The following TCF7L1 variants were observed in gnomAD, a reference collection of about 807,000 sequenced individuals.
TCF7L1 encodes transcription factor 7-like 1.
Under a neutral mutation model 63.7 loss-of-function variants are expected in TCF7L1, and 18 were observed. The ratio of observed to expected loss-of-function variants is 0.28; its 90% CI spans 0.20 to 0.42. The LOEUF (loss-of-function observed/expected upper bound fraction) is 0.42. TCF7L1 is among the 10% of genes least tolerant of loss of function. The probability of loss-of-function intolerance (pLI) is 1.00; values close to 1 mark genes in which losing one functional copy is unlikely to be tolerated. For missense variants in TCF7L1, 654 were observed against 779.3 expected, an observed-to-expected ratio of 0.84 and a Z score of 1.91; for synonymous variants, 355 against 340.9, an observed-to-expected ratio of 1.04 and a Z score of -0.46.
At chr2:85,300,546 T>C (rs938530767) in intron 4 of TCF7L1, among the ~76,000 whole-genome samples, 1 of 151,918 alleles carries the variant, frequency 6.6e-6, no homozygotes, top group African/African-American at 2.4e-5. Context: ...TTATAAACGG[T>C]TTAATTCTCC....
At chr2:85,183,934 C>G (rs1021391214) in intron 3 of TCF7L1, among the ~76,000 whole-genome samples, 2 of 152,184 alleles carry the variant, frequency 1.3e-5, no homozygotes, top group South Asian at 4.2e-4. Flanking sequence ...GAGGCCTCTG[C>G]CTGGAGAAGA....
intron 3 of TCF7L1, among the ~76,000 whole-genome samples, chr2:85,221,276 G>T (rs570409257): frequency 1.3e-5 from 2 of 152,252 alleles, no homozygotes; most frequent in Admixed American, 6.5e-5. Flanking sequence ...TCACGCATTT[G>T]TCCTGCCTGT....
intron 3 of TCF7L1, among the ~76,000 whole-genome samples, chr2:85,256,961 T>A (rs917866689): frequency 3.3e-5 from 5 of 150,272 alleles, no homozygotes; most frequent in African/African-American, 1.2e-4. Context: ...CCAGCCTGGG[T>A]GACAGAGTGA....
intron 3 of TCF7L1, among the ~76,000 whole-genome samples, chr2:85,145,655 C>T (rs1005122218): frequency 3.9e-5 from 6 of 152,166 alleles, no homozygotes; most frequent in African/African-American, 9.7e-5. Context: ...GGAACCATCC[C>T]GCCCACCCAA....
intron 3 of TCF7L1, among the ~76,000 whole-genome samples, chr2:85,215,288 G>A (rs1343946291): frequency 1.3e-5 from 2 of 152,238 alleles, no homozygotes; most frequent in Non-Finnish European, 2.9e-5. Context: ...TCCGTAGCAG[G>A]TGATCAATAA....
At chr2:85,230,868 G>A (rs1680060672) in intron 3 of TCF7L1, among the ~76,000 whole-genome samples, 1 of 152,192 alleles carries the variant, frequency 6.6e-6, no homozygotes, top group Non-Finnish European at 1.5e-5. Flanking sequence ...GGAAAAGCCT[G>A]AGGGGATGGG....
At chr2:85,137,283 GCTGGCCCATCCTACAGT>G (rs957766060) in intron 3 of TCF7L1, among the ~76,000 whole-genome samples, 1 of 152,168 alleles carries the variant, frequency 6.6e-6, no homozygotes, top group African/African-American at 2.4e-5. Flanking sequence ...ACCACTGGGG[GCTGGCCCATCCTACAGT>G]CTGGCCATCT....
chr2:85,291,366 A>G (rs1681711627), intron 4 of TCF7L1, among the ~76,000 whole-genome samples: 1 of 152,122 alleles, frequency 6.6e-6, no homozygotes, highest in South Asian at 2.1e-4. Context: ...TAAATTCATC[A>G]CTCACAAGTT....
rs747252013 is a variant in TCF7L1 at position 85,134,294 on chromosome 2, G to GCCTCA, written c.314-24_314-20dup. 103 of 1,563,914 alleles carry GCCTCA rather than the reference G, an allele frequency of 6.6e-5. No homozygotes were observed. Among genetic ancestry groups the GCCTCA allele is most frequent in the Non-Finnish European group, 8.6e-5 (99 of 1,153,920 alleles). ...GGCGCTGTCAGTCCCGGGGGCCTGGGCCTCACCTCGCCTTGGTCTTGTTCG... is the reference window on the plus strand; with the variant it reads ...GGCGCTGTCAGTCCCGGGGGCCTGGGCCTCACCTCACCTCGCCTTGGTCTTGTTCG... On this transcript the variant is annotated intron_variant, in intron 2 of 11. Transcript: ENST00000282111. The surrounding 1 kb of genome is among the most constrained non-coding windows in gnomAD (Gnocchi z 5.0).
rs930111692 is a variant in TCF7L1 at position 85,148,899 on chromosome 2, C to G, written c.441+14449C>G. Among the ~76,000 whole-genome samples the G allele has an allele frequency of 9.9e-5, 15 of 151,924 alleles. No individual in the cohort carries two copies. In the Middle Eastern group the frequency reaches 0.01, roughly 103 times the overall value. On this transcript the variant is annotated intron_variant, in intron 3 of 11. Transcript: ENST00000282111. The stretch of plus-strand genomic sequence containing the variant: ...AAGCGATTCTCTCTCCTGCCTCAGC[C>G]TCCTGAGTAGATGGAATTATAGGCG...
At chr2:85,262,946 C>T (rs2104348209) in intron 3 of TCF7L1, among the ~76,000 whole-genome samples, 1 of 152,262 alleles carries the variant, frequency 6.6e-6, no homozygotes, top group South Asian at 2.1e-4. Flanking sequence ...CTATGGAACT[C>T]CAGAAAGAAG....
intron 3 of TCF7L1, among the ~76,000 whole-genome samples, chr2:85,183,021 A>C (rs1026661211): frequency 6.6e-6 from 1 of 152,162 alleles, no homozygotes; most frequent in African/African-American, 2.4e-5. Context: ...CTTCTGCTTC[A>C]AGGGGTGAGA....
At chr2:85,292,938 A>G (rs942017821) in intron 4 of TCF7L1, among the ~76,000 whole-genome samples, 5 of 152,200 alleles carry the variant, frequency 3.3e-5, no homozygotes, top group African/African-American at 1.2e-4. Flanking sequence ...TACATTAGTA[A>G]ACATTTCTTT....
intron 4 of TCF7L1, among the ~76,000 whole-genome samples, chr2:85,300,518 G>A (rs1681944718): frequency 6.6e-6 from 1 of 152,134 alleles, no homozygotes; most frequent in Admixed American, 6.5e-5. Context: ...GTGTGCTGGC[G>A]CCACCTGGTG....
At chr2:85,243,261 C>CTGGTGTTCCCAGCCG (rs1292179650) in intron 3 of TCF7L1, among the ~76,000 whole-genome samples, 1 of 152,186 alleles carries the variant, frequency 6.6e-6, no homozygotes, top group Non-Finnish European at 1.5e-5. Context: ...AGGTAACAGC[C>CTGGTGTTCCCAGCCG]TGGTGTTCCC....
In TCF7L1 at chr2:85,134,368, C is replaced by A; in HGVS notation, c.359C>A (p.Pro120His). Residue 120 changes from proline (P) to histidine (H), a missense_variant, in exon 3 of 12, where the codon CCT (proline) becomes CAT (histidine). Physicochemically the swap from Pro to His is moderately conservative, Grantham distance 77. Around this residue, in one of 3 missense-constraint regions of TCF7L1, gnomAD observed 404 missense variants for 454.8 expected, o/e 0.89. Transcript: ENST00000282111. This position sits in a 1 kb window ranked among gnomAD's most constrained non-coding sequence, Gnocchi z 5.0. ...DSAFFKGPPY[P>H]GYPFLMIPDL... ...GCGTTCTTTAAAGGACCCCCGTACC[C>A]TGGGTACCCCTTCCTGATGATCCCG... 6.3e-7 allele frequency: 1 copy of A among 1,580,974 alleles called. No individual in the cohort carries two copies. Among genetic ancestry groups the A allele is most frequent in the East Asian group, 2.3e-5 (1 of 42,936 alleles).
chr2:85,245,583 C>T (rs1056658539), intron 3 of TCF7L1, among the ~76,000 whole-genome samples: 5 of 151,934 alleles, frequency 3.3e-5, no homozygotes, highest in East Asian at 3.9e-4. Flanking sequence ...GAGGCCGAGG[C>T]GGGCAGATCA....
intron 4 of TCF7L1, among the ~76,000 whole-genome samples, chr2:85,300,490 C>T (rs1251366264): frequency 6.6e-6 from 1 of 152,156 alleles, no homozygotes; most frequent in Non-Finnish European, 1.5e-5. Context: ...GCCCACCAGC[C>T]ACCAGCAGGG....
chr2:85,279,807 C>T (rs1168789533), intron 3 of TCF7L1, among the ~76,000 whole-genome samples: 4 of 152,194 alleles, frequency 2.6e-5, no homozygotes, highest in African/African-American at 7.2e-5. Flanking sequence ...GGGTCAGTCC[C>T]GGTGAGATGC....
Sources: allele counts gnomAD v4.1 joint callset (sites outside exome capture counted in the v4.1 genomes callset), GRCh38; gene constraint gnomAD v4.1.1; regional missense constraint gnomAD v4.1.1; non-coding constraint Gnocchi (gnomAD v3.1); transcripts MANE v1.5; gene names NCBI Gene and HGNC (gene_info 2026-07-23, HGNC 2026-07-21).